Variants in EPB41L5 observed in about 807,000 individuals in gnomAD.
The protein encoded by EPB41L5 is erythrocyte membrane protein band 4.1 like 5.
EPB41L5 carries 55 observed loss-of-function variants against 106.6 expected under a neutral mutation model. That is an observed-to-expected ratio of 0.52 (90% CI 0.42 to 0.65). The LOEUF (loss-of-function observed/expected upper bound fraction) is 0.65. Among genes scored for constraint, EPB41L5 ranks in the 30% least tolerant of loss-of-function variants. The probability of loss-of-function intolerance (pLI) is 0.00; values close to 1 mark genes in which losing one functional copy is unlikely to be tolerated. For synonymous variants in EPB41L5, 297 were observed against 306.7 expected (o/e 0.97, Z 0.33); for missense variants, 871 against 882.1 (o/e 0.99, Z 0.16).
At chr2:120,147,831 A>C (rs1686477949) in intron 20 of EPB41L5, among the ~76,000 whole-genome samples, 1 of 152,078 alleles carries the variant, frequency 6.6e-6, no homozygotes, top group South Asian at 2.1e-4. Context: ...ATACATGCAG[A>C]TTTATTTTTC....
chr2:120,038,866 T>C (rs542635973), intron 2 of EPB41L5, among the ~76,000 whole-genome samples: 1 of 152,288 alleles, frequency 6.6e-6, no homozygotes, highest in South Asian at 2.1e-4. Flanking sequence ...AAACAGATAC[T>C]TACACACCAG....
chr2:120,035,673 C>T (rs1368221089), intron 2 of EPB41L5, among the ~76,000 whole-genome samples: 1 of 151,982 alleles, frequency 6.6e-6, no homozygotes, highest in East Asian at 1.9e-4. Context: ...GGTGAGACCC[C>T]CATCTCTTAA....
At position 120,100,233 on chromosome 2, in the gene EPB41L5, T is replaced by C. The variant is rs541837787; in HGVS notation, c.1179-11T>C. 19 of 1,610,050 alleles carry C rather than the reference T, an allele frequency of 1.2e-5. No homozygotes were observed. In the East Asian group the frequency reaches 1.6e-4, roughly 13 times the overall value. Reference sequence around the variant, plus strand: ...ATAGGGTTTTTAATTGATTTTTTTTTCCCATTACAGTGTTCACAATAATGT... The same window carrying C: ...ATAGGGTTTTTAATTGATTTTTTTTCCCCATTACAGTGTTCACAATAATGT... On this transcript the variant is annotated splice_polypyrimidine_tract_variant and intron_variant, in intron 14 of 24. Coordinates refer to ENST00000263713, the MANE Select transcript of EPB41L5 (RefSeq NM_020909.4).
intron 18 of EPB41L5, among the ~76,000 whole-genome samples, chr2:120,135,155 A>G (rs543734424): frequency 2.6e-5 from 4 of 152,268 alleles, no homozygotes; most frequent in East Asian, 1.9e-4. Context: ...GAAAAATTCA[A>G]TTGACGTAAT....
intron 18 of EPB41L5, among the ~76,000 whole-genome samples, chr2:120,141,315 C>CT (rs1686163955): frequency 6.6e-6 from 1 of 152,230 alleles, no homozygotes; most frequent in South Asian, 2.1e-4. Context: ...CCAGTGACCA[C>CT]TTTCTTTCCC....
At chr2:120,128,053 G>A in intron 17 of EPB41L5, 1 of 401,480 alleles carries the variant, frequency 2.5e-6, no homozygotes, top group Non-Finnish European at 4.3e-6. Flanking sequence ...TTAAACTTGT[G>A]TGTCATTTAT....
chr2:120,042,210 A>C, intron 3 of EPB41L5, 100 bp downstream of exon 3: 2 of 848,952 alleles, frequency 2.4e-6, no homozygotes, highest in Non-Finnish European at 3.8e-6. Flanking sequence ...TTGATGTGTT[A>C]TTGTGATATA....
intron 18 of EPB41L5, among the ~76,000 whole-genome samples, chr2:120,137,251 A>C (rs752060027): frequency 2.0e-5 from 3 of 152,116 alleles, no homozygotes; most frequent in African/African-American, 7.2e-5. Context: ...ATAAGCACCT[A>C]CATCACAAAA....
intron 21 of EPB41L5, among the ~76,000 whole-genome samples, chr2:120,163,257 T>TC (rs1687213002): frequency 9.4e-6 from 1 of 105,898 alleles, no homozygotes; most frequent in African/African-American, 3.9e-5. Context: ...CGTGTCCCTC[T>TC]GCCCCCCCCC....
intron 2 of EPB41L5, among the ~76,000 whole-genome samples, chr2:120,021,733 T>G (rs1677947036): frequency 6.6e-6 from 1 of 152,232 alleles, no homozygotes; most frequent in African/African-American, 2.4e-5. Flanking sequence ...AAGTGGTCAT[T>G]GGCCTGTTTT....
chr2:120,157,355 A>G (rs2105527307), intron 20 of EPB41L5, among the ~76,000 whole-genome samples: 1 of 152,240 alleles, frequency 6.6e-6, no homozygotes, highest in East Asian at 1.9e-4. Flanking sequence ...TCAATTTAAC[A>G]ACCTAATATC....
chr2:120,045,006 A>T (rs535294939), intron 3 of EPB41L5, among the ~76,000 whole-genome samples: 1 of 152,332 alleles, frequency 6.6e-6, no homozygotes, highest in African/African-American at 2.4e-5. Flanking sequence ...ATAAACAATC[A>T]GCTTGTTGTG....
chr2:120,024,932 C>T (rs1574475089), intron 2 of EPB41L5, among the ~76,000 whole-genome samples: 3 of 152,074 alleles, frequency 2.0e-5, no homozygotes, highest in Admixed American at 6.6e-5. Context: ...ATTTTCGCAT[C>T]GATGTTCATC....
At chr2:120,043,885 G>T (rs534630943) in intron 3 of EPB41L5, among the ~76,000 whole-genome samples, 63 of 152,212 alleles carry the variant, frequency 4.1e-4, no homozygotes, top group African/African-American at 1.4e-3. Flanking sequence ...AGTGGCTCAT[G>T]CCTATAATCC....
intron 3 of EPB41L5, among the ~76,000 whole-genome samples, chr2:120,062,042 TAAAG>T (rs1285375679): frequency 1.3e-5 from 2 of 152,140 alleles, no homozygotes; most frequent in Non-Finnish European, 2.9e-5. Context: ...GCACTTCTAA[TAAAG>T]AGAAGAAGAT....
chr2:120,151,322 A>AATC (rs1686664642), intron 20 of EPB41L5, among the ~76,000 whole-genome samples: 2 of 152,112 alleles, frequency 1.3e-5, no homozygotes, highest in Admixed American at 6.6e-5. Flanking sequence ...TAATAATAAT[A>AATC]ATGCAGAAAA....
chr2:120,093,298 A>G lies in EPB41L5; in HGVS notation c.1178+22A>G, dbSNP rs370342206. On this transcript the variant is annotated intron_variant, in intron 14 of 24. Coordinates refer to ENST00000263713, the MANE Select transcript of EPB41L5 (RefSeq NM_020909.4). ...TTAGGTAAGTAATGTTTTGCAACTT[A>G]GGAATTGGTATAGAATTTGGGATTT... 7.5e-5 allele frequency: 120 copies of G among 1,604,780 alleles called. 1 individual carries two copies. In the African/African-American group the frequency reaches 1.5e-3, roughly 21 times the overall value.
chr2:120,077,961 G>A (rs2105330561), intron 9 of EPB41L5, among the ~76,000 whole-genome samples: 1 of 151,228 alleles, frequency 6.6e-6, no homozygotes, highest in African/African-American at 2.5e-5. Flanking sequence ...TGGCTGGCAG[G>A]AGGGAGAGAG....
At chr2:120,093,366 A>AT in intron 14 of EPB41L5, 90 bp downstream of exon 14, 1 of 1,074,000 alleles carries the variant, frequency 9.3e-7, no homozygotes, top group Non-Finnish European at 1.4e-6. Flanking sequence ...ACCTATCAAA[A>AT]TGTCAAGTTG....
Sources: allele counts gnomAD v4.1 joint callset (sites outside exome capture counted in the v4.1 genomes callset), GRCh38; gene constraint gnomAD v4.1.1; transcripts MANE v1.5; gene names NCBI Gene and HGNC (gene_info 2026-07-23, HGNC 2026-07-21).